Variants in DNAAF10 observed in about 807,000 individuals in gnomAD.
DNAAF10 encodes dynein axonemal assembly factor 10, also known as WD repeat domain 92.
A neutral mutation model predicts 43.7 loss-of-function variants in DNAAF10; 28 were observed. The ratio of observed to expected loss-of-function variants is 0.64; its 90% confidence interval spans 0.48 to 0.88. The LOEUF (loss-of-function observed/expected upper bound fraction) is 0.88, where lower values mean the gene tolerates loss of function less well. Ranked by LOEUF, DNAAF10 falls within the 40% of genes least tolerant of loss-of-function variation. The probability of loss-of-function intolerance (pLI) is 0.00; values close to 1 mark genes in which losing one functional copy is unlikely to be tolerated. For missense variants in DNAAF10, 403 were observed against 439.1 expected, an observed-to-expected ratio of 0.92 and a Z score of 0.73; for synonymous variants, 156 against 157.3, an observed-to-expected ratio of 0.99 and a Z score of 0.06.
chr2:68,141,418 C>T (rs1208977441), intron 4 of DNAAF10, among the ~76,000 whole-genome samples: 2 of 152,200 alleles, frequency 1.3e-5, no homozygotes, highest in East Asian at 3.8e-4. Context: ...GACAACACAA[C>T]TAAGTAAATT....
chr2:68,138,328 A>G (rs1435639269), intron 5 of DNAAF10, among the ~76,000 whole-genome samples: 1 of 152,252 alleles, frequency 6.6e-6, no homozygotes, highest in East Asian at 1.9e-4. Context: ...AAAGGCTAAC[A>G]GTAGAAAACA....
At position 68,155,010 on chromosome 2, in the gene DNAAF10, G is replaced by A. The variant is rs549129331; in HGVS notation, c.183+2251C>T. Among the ~76,000 whole-genome samples the A allele has an allele frequency of 8.5e-5, 13 of 152,176 alleles. No homozygotes were observed. In the East Asian group the frequency reaches 2.3e-3, roughly 27 times the overall value. On this transcript the variant is annotated intron_variant, in intron 1 of 7. Coordinates refer to ENST00000295121, the MANE Select transcript of DNAAF10 (RefSeq NM_138458.4). The stretch of plus-strand genomic sequence containing the variant: ...GCTGGTCTTGAACTCCTGGGCTCAA[G>A]CAATCCACCCCACTGCCTCCCAAAG...
rs1453152500 is a variant in DNAAF10, at chr2:68,130,115, G to GAGAGATATAT, written c.*1122_*1123insATATATCTCT. ...CAACCGTGCCGTTTTGAGAGAGAGA[G>GAGAGATATAT]ATATATATATATATATTTGTTTTTT... is the stretch of plus-strand genomic sequence containing the variant. On this transcript the variant is annotated 3_prime_UTR_variant, in exon 8 of 8. Transcript: ENST00000295121. The GAGAGATATAT allele has an allele frequency of 7.5e-6, 1 of 132,948 alleles. No homozygotes were observed. The highest frequency in any genetic ancestry group is 2.9e-5 in the African/African-American group (1 of 34,264). The allele number at this position is 132,948 out of a possible 1,614,324, so 8.2% of individuals were successfully genotyped here.
chr2:68,147,760 G>A (rs1458180308), intron 1 of DNAAF10, among the ~76,000 whole-genome samples, 193 bp from the exon 2 acceptor site: 1 of 152,086 alleles, frequency 6.6e-6, no homozygotes, highest in Non-Finnish European at 1.5e-5. Context: ...CTGTCAAAAA[G>A]AAAAAGTGTT....
intron 6 of DNAAF10, among the ~76,000 whole-genome samples, chr2:68,135,392 T>C (rs1006100514): frequency 2.0e-5 from 3 of 152,226 alleles, no homozygotes; most frequent in African/African-American, 7.2e-5. Context: ...ACAATGTTTA[T>C]GGTCATAATA....
intron 4 of DNAAF10, 26 bp downstream of exon 4, chr2:68,141,668 A>T: frequency 1.2e-6 from 2 of 1,600,172 alleles, no homozygotes; most frequent in Non-Finnish European, 1.7e-6. Flanking sequence ...TGATAATTCA[A>T]ATGCAAGAAT....
chr2:68,149,887 G>A (rs1414259304), intron 1 of DNAAF10, among the ~76,000 whole-genome samples: 1 of 152,330 alleles, frequency 6.6e-6, no homozygotes, highest in Non-Finnish European at 1.5e-5. Context: ...GTAAGAAGCT[G>A]GTGGTCCTCA....
chr2:68,147,502 T>G lies in DNAAF10; in HGVS notation c.249A>C (p.Leu83Phe). Residue 83 changes from leucine to phenylalanine, a missense_variant, in exon 2 of 8, where the codon TTA becomes TTC. Physicochemically the swap from Leu to Phe is conservative, Grantham distance 22. Coordinates refer to ENST00000295121, the MANE Select transcript of DNAAF10 (RefSeq NM_138458.4). ...GGTTTCCACCAAAATCTCCAGTAGCTAAATATCTCTGCTGTAAAGATGTTG... is the reference window on the plus strand; with the variant it reads ...GGTTTCCACCAAAATCTCCAGTAGCGAAATATCTCTGCTGTAAAGATGTTG... ...FGATSLQQRY[L>F]ATGDFGGNLH... is the part of the protein sequence containing the mutation. 1.2e-6 allele frequency: 2 copies of G among 1,611,966 alleles called. No individual in the cohort carries two copies. The highest frequency in any genetic ancestry group is 1.7e-6 in the Non-Finnish European group (2 of 1,179,060).
At position 68,137,595 on chromosome 2, in the gene DNAAF10, G is replaced by A. The variant is rs185938753; in HGVS notation, c.634-162C>T. On this transcript the variant is annotated intron_variant, in intron 5 of 7. Coordinates refer to ENST00000295121, the MANE Select transcript of DNAAF10 (RefSeq NM_138458.4). ...CATAAAAATTTTTTTCCAGCCAGGC[G>A]CGGTGGCTTATGCCTGTAATCCCAG... Among the ~76,000 whole-genome samples the A allele has an allele frequency of 1.5e-4, 23 of 152,050 alleles. No homozygotes were observed. In the East Asian group the frequency reaches 2.5e-3, roughly 17 times the overall value.
At chr2:68,151,209 G>A (rs1673449833) in intron 1 of DNAAF10, among the ~76,000 whole-genome samples, 2 of 152,220 alleles carry the variant, frequency 1.3e-5, no homozygotes, top group Non-Finnish European at 2.9e-5. Context: ...GGTCTTGTGT[G>A]TGTGACTTCA....
At chr2:68,147,440 G>C (rs1225704101) in intron 2 of DNAAF10, 27 bp downstream of exon 2, 10 of 1,553,908 alleles carry the variant, frequency 6.4e-6, no homozygotes, top group Admixed American at 3.4e-5. Flanking sequence ...TATCTCATCT[G>C]TCTGAATACT....
intron 1 of DNAAF10, among the ~76,000 whole-genome samples, chr2:68,155,570 C>T (rs1190164154): frequency 6.6e-6 from 1 of 151,768 alleles, no homozygotes; most frequent in Non-Finnish European, 1.5e-5. Flanking sequence ...GTGGCTCACA[C>T]CTGATCCAGC....
chr2:68,147,281 AT>A (rs1197703112), intron 2 of DNAAF10, among the ~76,000 whole-genome samples, 185 bp downstream of exon 2: 15 of 152,296 alleles, frequency 9.8e-5, no homozygotes, highest in Middle Eastern at 3.4e-3. Context: ...ATAGGTTAGT[AT>A]TTTTTAATGG....
chr2:68,148,606 T>C (rs1002231527), intron 1 of DNAAF10, among the ~76,000 whole-genome samples: 1 of 152,198 alleles, frequency 6.6e-6, no homozygotes, highest in African/African-American at 2.4e-5. Flanking sequence ...CTTTTCCTGC[T>C]GCCTTGGCTC....
chr2:68,147,074 G>A (rs979048106), intron 2 of DNAAF10, among the ~76,000 whole-genome samples: 1 of 151,642 alleles, frequency 6.6e-6, no homozygotes, highest in African/African-American at 2.4e-5. Context: ...CAAACGTTCT[G>A]CAGTGCTAAA....
rs543010948 is a variant in DNAAF10, at chr2:68,157,124, G to T, written c.183+137C>A. The T allele has an allele frequency of 1.4e-5, 16 of 1,176,342 alleles. No homozygotes were observed. The Admixed American group carries it at 3.2e-4, about 23-fold the overall frequency. 72.9% of individuals were successfully genotyped at this position (1,176,342 alleles called of 1,614,324 possible). On this transcript the variant is annotated intron_variant, in intron 1 of 7. Coordinates refer to ENST00000295121, the MANE Select transcript of DNAAF10 (RefSeq NM_138458.4). The stretch of plus-strand genomic sequence containing the variant: ...AAATAGGAAACATTCCTCAGTCGGC[G>T]GTCAGCTTCTCTGGTCTCGCGCGGC...
At chr2:68,154,222 G>C (rs1673529497) in intron 1 of DNAAF10, among the ~76,000 whole-genome samples, 1 of 151,852 alleles carries the variant, frequency 6.6e-6, no homozygotes, top group Non-Finnish European at 1.5e-5. Flanking sequence ...ATATCCAAAG[G>C]ATTCAGGTGA....
At chr2:68,154,193 C>T (rs1673528462) in intron 1 of DNAAF10, among the ~76,000 whole-genome samples, 1 of 152,092 alleles carries the variant, frequency 6.6e-6, no homozygotes, top group African/African-American at 2.4e-5. Flanking sequence ...TCTCAGACAA[C>T]TCATGGTAGA....
At chr2:68,141,909 C>G in intron 3 of DNAAF10, 114 bp from the exon 4 acceptor site, 1 of 834,910 alleles carries the variant, frequency 1.2e-6, no homozygotes, top group South Asian at 1.6e-5. Context: ...GATGTTATGA[C>G]ATCTGAAAAT....
Sources: allele counts gnomAD v4.1 joint callset (sites outside exome capture counted in the v4.1 genomes callset), GRCh38; gene constraint gnomAD v4.1.1; transcripts MANE v1.5; gene names NCBI Gene and HGNC (gene_info 2026-07-23, HGNC 2026-07-21).